The following PHF14 variants were observed in gnomAD, a reference collection of about 807,000 sequenced individuals.
PHF14 encodes the protein PHD finger protein 14.
PHF14 carries 55 observed loss-of-function variants against 117.9 expected under a neutral mutation model. That is an observed-to-expected ratio of 0.47 (90% CI 0.38 to 0.58). The LOEUF (loss-of-function observed/expected upper bound fraction) is 0.58. Ranked by LOEUF, PHF14 falls within the 20% of genes least tolerant of loss-of-function variation. The pLI is 0.00. For synonymous variants in PHF14, 409 were observed against 368.6 expected, an observed-to-expected ratio of 1.11 and a Z score of -1.26; for missense variants, 978 against 1,122.2, an observed-to-expected ratio of 0.87 and a Z score of 1.84.
At chr7:11,095,616 A>T (rs1030673330) in intron 16 of PHF14, among the ~76,000 whole-genome samples, 4 of 152,232 alleles carry the variant, frequency 2.6e-5, no homozygotes, top group African/African-American at 4.8e-5. Flanking sequence ...TCAGGCATCC[A>T]TTAAATGTAG....
intron 4 of PHF14, among the ~76,000 whole-genome samples, chr7:10,991,837 A>G (rs918637358): frequency 4.8e-5 from 7 of 147,110 alleles, no homozygotes; most frequent in African/African-American, 1.8e-4. Flanking sequence ...GCCTCAAGCA[A>G]TCTGCCTGCC....
intron 17 of PHF14, among the ~76,000 whole-genome samples, chr7:11,164,181 T>C (rs1335063179): frequency 6.6e-6 from 1 of 152,222 alleles, no homozygotes; most frequent in Admixed American, 6.5e-5. Context: ...CATGGATGTT[T>C]GCCTGCTGTG....
chr7:11,043,531 T>C (rs1490166089), intron 13 of PHF14, among the ~76,000 whole-genome samples: 1 of 152,114 alleles, frequency 6.6e-6, no homozygotes, highest in Non-Finnish European at 1.5e-5. Context: ...AATTTTTAAA[T>C]GGTAATCTCT....
chr7:11,056,473 C>G (rs1218051275), intron 14 of PHF14, among the ~76,000 whole-genome samples: 2 of 151,698 alleles, frequency 1.3e-5, no homozygotes, highest in South Asian at 2.1e-4. Context: ...TTTTCATAAC[C>G]CTGTTAACAT....
intron 13 of PHF14, among the ~76,000 whole-genome samples, chr7:11,048,552 A>G (rs902280014): frequency 2.0e-5 from 3 of 152,242 alleles, no homozygotes; most frequent in African/African-American, 4.8e-5. Flanking sequence ...AGCCTTGGCA[A>G]TAGTGCAAGA....
intron 16 of PHF14, among the ~76,000 whole-genome samples, chr7:11,087,875 T>G (rs944056283): frequency 6.6e-6 from 1 of 152,146 alleles, no homozygotes; most frequent in Non-Finnish European, 1.5e-5. Flanking sequence ...AGAAGTCGAA[T>G]GGGGGCAAAA....
At chr7:11,142,261 T>G (rs373672469) in intron 17 of PHF14, among the ~76,000 whole-genome samples, 14 of 152,164 alleles carry the variant, frequency 9.2e-5, no homozygotes, top group African/African-American at 3.4e-4. Context: ...TATCTTCACA[T>G]TTAAAGCTGG....
intron 16 of PHF14, among the ~76,000 whole-genome samples, chr7:11,072,338 G>C (rs1785640770): frequency 6.6e-6 from 1 of 152,138 alleles, no homozygotes; most frequent in Admixed American, 6.5e-5. Flanking sequence ...CCATTCATGA[G>C]AAATCTACCC....
At chr7:10,984,161 A>G (rs886403791) in intron 3 of PHF14, among the ~76,000 whole-genome samples, 1 of 152,042 alleles carries the variant, frequency 6.6e-6, no homozygotes, top group Non-Finnish European at 1.5e-5. Context: ...CTTATGCTTT[A>G]TTTGTTCTTT....
intron 16 of PHF14, among the ~76,000 whole-genome samples, chr7:11,069,483 CA>C (rs1785535229): frequency 6.6e-6 from 1 of 152,144 alleles, no homozygotes; most frequent in Non-Finnish European, 1.5e-5. Context: ...GCTTCAAAAT[CA>C]ACCTTGCAAA....
intron 16 of PHF14, among the ~76,000 whole-genome samples, chr7:11,101,872 A>G (rs1315907161): frequency 6.6e-6 from 1 of 151,860 alleles, no homozygotes; most frequent in Non-Finnish European, 1.5e-5. Flanking sequence ...ACTTCTAATC[A>G]CTAAAATTTC....
chr7:11,093,058 C>T (rs1358423580), intron 16 of PHF14, among the ~76,000 whole-genome samples: 1 of 152,186 alleles, frequency 6.6e-6, no homozygotes, highest in East Asian at 1.9e-4. Context: ...GCAAAACTAG[C>T]TTTCAGGCTT....
Position 11,051,694 on chromosome 7 carries a change from C to T in PHF14, c.2395C>T (p.Arg799Ter), listed in dbSNP as rs1583414200. 1 of 1,613,520 alleles carries T rather than the reference C, an allele frequency of 6.2e-7. No individual in the cohort carries two copies. Among genetic ancestry groups the T allele is most frequent in the East Asian group, 2.2e-5 (1 of 44,850 alleles). Residue 799 changes from arginine to a stop codon, truncating the protein, a stop_gained, in exon 14 of 18, where the codon CGA becomes TGA. Coordinates refer to ENST00000634607, the MANE Select transcript of PHF14 (RefSeq NM_001007157.2). LOFTEE classifies it high-confidence loss of function. ...GGAAACCCTACCAGATGGAACCAAA[C>T]GATCAAGGAGGCAGATTAAGGAACC... is the stretch of plus-strand genomic sequence containing the variant. ...AMETLPDGTK[R>*]SRRQIKEPVK... is the part of the protein sequence containing the mutation.
At chr7:11,142,798 A>G (rs1325265521) in intron 17 of PHF14, among the ~76,000 whole-genome samples, 2 of 152,160 alleles carry the variant, frequency 1.3e-5, no homozygotes. Flanking sequence ...TTACTAGATT[A>G]CAGTTTTCTA....
At chr7:11,113,788 T>C (rs916615420) in intron 17 of PHF14, among the ~76,000 whole-genome samples, 1 of 152,168 alleles carries the variant, frequency 6.6e-6, no homozygotes, top group African/African-American at 2.4e-5. Flanking sequence ...AGATGTTTGC[T>C]AGTATTACAG....
chr7:11,089,151 C>T (rs1429110198), intron 16 of PHF14, among the ~76,000 whole-genome samples: 1 of 150,698 alleles, frequency 6.6e-6, no homozygotes. Flanking sequence ...AAACCTAAGA[C>T]AAACCTTTTA....
chr7:11,014,888 G>A (rs1388358984), intron 5 of PHF14: 1 of 139,950 alleles, frequency 7.1e-6, no homozygotes, highest in Non-Finnish European at 1.6e-5. Context: ...CATCTTCCAT[G>A]TTTTTTTTTT....
At chr7:11,166,679 G>T (rs1789210162) in intron 17 of PHF14, among the ~76,000 whole-genome samples, 1 of 152,076 alleles carries the variant, frequency 6.6e-6, no homozygotes, top group Admixed American at 6.5e-5. Flanking sequence ...CTAGCAATTA[G>T]AGTGGAATGC....
chr7:11,049,496 G>A lies in PHF14; in HGVS notation c.2313-2116G>A, dbSNP rs115057333. On this transcript the variant is annotated intron_variant, in intron 13 of 17. Transcript: ENST00000634607. ...TCTCAAAAAAAAAAAAAAAAAAAGT[G>A]TAAATTAGAACTGTTTGAGAAACTG... 5.9e-3 allele frequency among the ~76,000 whole-genome samples: 882 copies of A among 148,438 alleles called. 7 individuals carry two copies. Among genetic ancestry groups the A allele is most frequent in the African/African-American group, 0.021 (841 of 40,316 alleles).
Sources: allele counts gnomAD v4.1 joint callset (sites outside exome capture counted in the v4.1 genomes callset), GRCh38; gene constraint gnomAD v4.1.1; transcripts MANE v1.5; gene names NCBI Gene and HGNC (gene_info 2026-07-23, HGNC 2026-07-21).